Variants in CARF observed in about 807,000 individuals in gnomAD.
The protein encoded by CARF is calcium responsive transcription factor, also known as calcium-responsive transcription factor.
A neutral mutation model predicts 82.0 loss-of-function variants in CARF; 57 were observed. The observed-to-expected ratio is 0.70, with a 90% CI of 0.56 to 0.87. The LOEUF (loss-of-function observed/expected upper bound fraction) is 0.87, where lower values mean the gene tolerates loss of function less well. Ranked by LOEUF, CARF falls within the 40% of genes least tolerant of loss-of-function variation. The pLI, the probability that CARF is intolerant of heterozygous loss-of-function variation, is 0.00. For missense variants in CARF, 771 were observed against 855.8 expected (o/e 0.90, Z 1.24); for synonymous variants, 268 against 290.1 (o/e 0.92, Z 0.77).
Position 202,942,918 on chromosome 2 carries a change from A to C in CARF, c.257A>C (p.Gln86Pro). Reference protein sequence around the residue: ...EQFHLVDQNGQAIQYELQSLG... With the variant: ...EQFHLVDQNGPAIQYELQSLG... The stretch of plus-strand genomic sequence containing the variant: ...TTCCATCTAGTGGACCAAAATGGGC[A>C]GGCTATTCAATATGAACTTCAGTCA... The change falls in exon 5 of 17, where the codon CAG (glutamine) becomes CCG (proline). Residue 86 changes from glutamine (Q) to proline (P), a missense_variant. Physicochemically the swap from Gln to Pro is moderately conservative, Grantham distance 76. Transcript: ENST00000438828. 1 of 1,614,200 alleles carries C rather than the reference A, an allele frequency of 6.2e-7. No homozygotes were observed. Among genetic ancestry groups the C allele is most frequent in the East Asian group, 2.2e-5 (1 of 44,876 alleles).
intron 7 of CARF, among the ~76,000 whole-genome samples, chr2:202,954,537 A>T (rs904840853): frequency 1.3e-5 from 2 of 151,788 alleles, no homozygotes; most frequent in Non-Finnish European, 2.9e-5. Flanking sequence ...AGATGGTGAA[A>T]CCCCATCTCT....
At chr2:202,971,834 C>T in intron 12 of CARF, 96 bp downstream of exon 12, 2 of 733,764 alleles carry the variant, frequency 2.7e-6, no homozygotes, top group South Asian at 3.7e-5. Context: ...AAAATATATG[C>T]TATCAGGGTA....
Position 202,986,911 on chromosome 2 carries a change from A to G in CARF, c.*3287A>G, listed in dbSNP as rs1162817075. On this transcript the variant is annotated 3_prime_UTR_variant, in exon 17 of 17. Coordinates refer to ENST00000438828, the MANE Select transcript of CARF (RefSeq NM_024744.17). Reference sequence around the variant, plus strand: ...ATATATATATATATATATATATAGCAACTTGATGTATAGTGTCCTTGTTAC... The same window carrying G: ...ATATATATATATATATATATATAGCGACTTGATGTATAGTGTCCTTGTTAC... The G allele has an allele frequency of 1.4e-4, 6 of 43,536 alleles. No individual in the cohort carries two copies. The highest frequency in any genetic ancestry group is 3.3e-4 in the Non-Finnish European group (5 of 15,094). 2.7% of individuals were successfully genotyped at this position (43,536 alleles called of 1,614,324 possible). A position where few individuals can be genotyped will look rare whatever the true frequency, so the allele number is the denominator to read the frequency against.
At chr2:202,946,538 A>C (rs2058507082) in intron 5 of CARF, among the ~76,000 whole-genome samples, 1 of 152,254 alleles carries the variant, frequency 6.6e-6, no homozygotes, top group South Asian at 2.1e-4. Context: ...ACCTAAAACT[A>C]TAAAAACCCT....
At chr2:202,966,934 G>C (rs1296736336) in intron 9 of CARF, 44 bp from the exon 10 acceptor site, 1 of 1,599,824 alleles carries the variant, frequency 6.3e-7, no homozygotes, top group Admixed American at 1.7e-5. Context: ...GTCTAGAATA[G>C]ATGGACACTT....
At chr2:202,973,082 T>C (rs957732732) in intron 12 of CARF, among the ~76,000 whole-genome samples, 5 of 152,172 alleles carry the variant, frequency 3.3e-5, no homozygotes, top group East Asian at 1.9e-4. Context: ...TCTTATAGCA[T>C]TGGAGAAAAT....
At chr2:202,929,489 G>T (rs887438162) in intron 3 of CARF, among the ~76,000 whole-genome samples, 1 of 152,110 alleles carries the variant, frequency 6.6e-6, no homozygotes, top group Non-Finnish European at 1.5e-5. Flanking sequence ...AAATCAATTG[G>T]CTGTAAGTGC....
chr2:202,921,168 A>T (rs2105950912), intron 2 of CARF, among the ~76,000 whole-genome samples: 1 of 152,034 alleles, frequency 6.6e-6, no homozygotes, highest in Admixed American at 6.5e-5. Context: ...TGCCCGGCTC[A>T]TTTTTTGTAT....
At position 202,954,698 on chromosome 2, in the gene CARF, C is replaced by T. The variant is rs7591300; in HGVS notation, c.557+564C>T. Among the ~76,000 whole-genome samples, 216 of 136,808 alleles carry T rather than the reference C, an allele frequency of 1.6e-3. 2 individuals carry two copies. The highest frequency in any genetic ancestry group is 5.6e-3 in the African/African-American group (205 of 36,332). The allele number at this position is 136,808 out of a possible 152,430, so 89.8% of individuals were successfully genotyped here. A position where few individuals can be genotyped will look rare whatever the true frequency, so the allele number is the denominator to read the frequency against. On this transcript the variant is annotated intron_variant, in intron 7 of 16. Transcript: ENST00000438828. Reference sequence around the variant, plus strand: ...CTGCACTCCAGCCTGGGTGACAGAGCGAGACATCATTTAAAAAAAAAAAAA... The same window carrying T: ...CTGCACTCCAGCCTGGGTGACAGAGTGAGACATCATTTAAAAAAAAAAAAA...
rs544717359 is a variant in CARF, at chr2:202,930,491, C to T, written c.-44+6076C>T. On this transcript the variant is annotated intron_variant, in intron 3 of 16. Coordinates refer to ENST00000438828, the MANE Select transcript of CARF (RefSeq NM_024744.17). Reference sequence around the variant, plus strand: ...AGTTCAGAAATTCTCTCTGCTTGATCAAGTCTGCTAATTGAAGCTCTCTAT... The same window carrying T: ...AGTTCAGAAATTCTCTCTGCTTGATTAAGTCTGCTAATTGAAGCTCTCTAT... Among the ~76,000 whole-genome samples, 7 of 152,288 alleles carry T rather than the reference C, an allele frequency of 4.6e-5. 1 individual carries two copies. The South Asian group carries it at 1.5e-3, about 32-fold the overall frequency.
chr2:202,961,691 A>G (rs139309374), intron 9 of CARF: 104 of 463,088 alleles, frequency 2.2e-4, no homozygotes, highest in African/African-American at 1.9e-3. Flanking sequence ...CATTAAACCT[A>G]TTTAATAAAA....
chr2:202,932,451 C>T (rs921124826), intron 3 of CARF, among the ~76,000 whole-genome samples: 10 of 152,078 alleles, frequency 6.6e-5, no homozygotes, highest in African/African-American at 1.2e-4. Flanking sequence ...CTCTGAGAGG[C>T]AGGGCACAGA....
chr2:202,925,983 C>G (rs1376838620), intron 3 of CARF: 1 of 157,040 alleles, frequency 6.4e-6, no homozygotes, highest in African/African-American at 2.4e-5. Flanking sequence ...AGCTTAGACT[C>G]TGGCAGGGGC....
intron 2 of CARF, among the ~76,000 whole-genome samples, 174 bp downstream of exon 2, chr2:202,918,217 C>A (rs1690086007): frequency 6.6e-6 from 1 of 152,102 alleles, no homozygotes; most frequent in South Asian, 2.1e-4. Flanking sequence ...TATCTGCATT[C>A]TTATAAACTT....
Position 202,981,743 on chromosome 2 carries a change from C to T in CARF, c.1689+58C>T, listed in dbSNP as rs996928856. 3 of 1,416,256 alleles carry T rather than the reference C, an allele frequency of 2.1e-6. No homozygotes were observed. The Admixed American group carries it at 5.8e-5, about 27-fold the overall frequency. The allele number at this position is 1,416,256 out of a possible 1,614,324, so 87.7% of individuals were successfully genotyped here. On this transcript the variant is annotated intron_variant, in intron 15 of 16. Transcript: ENST00000438828. ...TCCTTCTCTTTATTCCTCCATTTACCTCTTCTTCTCCTAGGGATTTTAGAG... is the reference window on the plus strand; with the variant it reads ...TCCTTCTCTTTATTCCTCCATTTACTTCTTCTTCTCCTAGGGATTTTAGAG...
chr2:202,916,162 TTTTATTTA>T lies in CARF; in HGVS notation c.-329-1687_-329-1680del, dbSNP rs151050381. 9.8e-4 allele frequency among the ~76,000 whole-genome samples: 143 copies of T among 146,640 alleles called. No individual in the cohort carries two copies. The East Asian group carries it at 0.018, about 18-fold the overall frequency. On this transcript the variant is annotated intron_variant, in intron 1 of 16. Coordinates refer to ENST00000438828, the MANE Select transcript of CARF (RefSeq NM_024744.17). ...CTTTCTAAAGTACTTTTGAGCAATA[TTTTATTTA>T]TTTATTTATTTATTTATTTATTTAT...
Position 202,980,774 on chromosome 2 carries a change from T to G in CARF, c.1559-781T>G, listed in dbSNP as rs527776878. ...ACATGTACATATTTTTTCCCTATTA[T>G]AATCTAGAGATGATTTAAAGTATAT... On this transcript the variant is annotated intron_variant, in intron 14 of 16. Transcript: ENST00000438828. Among the ~76,000 whole-genome samples the G allele has an allele frequency of 2.1e-4, 31 of 151,218 alleles. 1 individual carries two copies. In the South Asian group the frequency reaches 6.5e-3, roughly 32 times the overall value.
chr2:202,945,592 T>C lies in CARF; in HGVS notation c.306+2625T>C, dbSNP rs1398504598. Among the ~76,000 whole-genome samples, 3 of 152,190 alleles carry C rather than the reference T, an allele frequency of 2.0e-5. No homozygotes were observed. In the East Asian group the frequency reaches 5.8e-4, roughly 29 times the overall value. On this transcript the variant is annotated intron_variant, in intron 5 of 16. Transcript: ENST00000438828. ...GGTTTTTTGTTCCAGTGTAGTTTGC[T>C]AAGGATAGTAGCCTCCAGCTCCATC...
At chr2:202,964,787 T>C (rs1273956108) in intron 9 of CARF, among the ~76,000 whole-genome samples, 1 of 151,496 alleles carries the variant, frequency 6.6e-6, no homozygotes. Flanking sequence ...ATTTCAGATA[T>C]ATCATTCCAT....
Sources: allele counts gnomAD v4.1 joint callset (sites outside exome capture counted in the v4.1 genomes callset), GRCh38; gene constraint gnomAD v4.1.1; transcripts MANE v1.5; gene names NCBI Gene and HGNC (gene_info 2026-07-23, HGNC 2026-07-21).